The following WNT3 variants were observed in gnomAD, a reference collection of about 807,000 sequenced individuals.
WNT3 encodes Wnt family member 3.
Under a neutral mutation model 34.2 loss-of-function variants are expected in WNT3, and 7 were observed. The ratio of observed to expected loss-of-function variants is 0.20; its 90% confidence interval spans 0.12 to 0.38. The LOEUF (loss-of-function observed/expected upper bound fraction) is 0.38. WNT3 is among the 10% of genes least tolerant of loss of function. The pLI is 1.00. For synonymous variants in WNT3, 212 were observed against 211.5 expected (o/e 1.00, Z -0.02); for missense variants, 267 against 499.8 (o/e 0.53, Z 4.44).
intron 1 of WNT3, 146 bp downstream of exon 1, chr17:46,818,372 T>C: frequency 1.5e-6 from 1 of 652,094 alleles, no homozygotes; most frequent in Middle Eastern, 4.0e-4. Context: ...CAGCAGAAAA[T>C]CCAGGAGGGG....
At chr17:46,801,665 A>T (rs775367753) in intron 1 of WNT3, among the ~76,000 whole-genome samples, 8 of 152,216 alleles carry the variant, frequency 5.3e-5, no homozygotes, top group Non-Finnish European at 8.8e-5. Context: ...TTAAATTAAA[A>T]TAAGACTGAC....
At chr17:46,776,049 C>T (rs539994077) in intron 1 of WNT3, among the ~76,000 whole-genome samples, 6 of 152,272 alleles carry the variant, frequency 3.9e-5, no homozygotes, top group Non-Finnish European at 7.4e-5. Flanking sequence ...CATTATTAGC[C>T]CCATTTTACA....
intron 1 of WNT3, among the ~76,000 whole-genome samples, chr17:46,787,207 C>T (rs550776144): frequency 6.7e-6 from 1 of 149,770 alleles, no homozygotes; most frequent in Admixed American, 6.8e-5. Flanking sequence ...TCCCCAAGTG[C>T]TGGGATTACA....
At chr17:46,772,241 G>C (rs574733935) in intron 2 of WNT3, among the ~76,000 whole-genome samples, 2 of 152,242 alleles carry the variant, frequency 1.3e-5, no homozygotes, top group South Asian at 4.1e-4. Flanking sequence ...CCAAACTCTC[G>C]GGCACACATC....
chr17:46,774,690 C>T (rs979026820), intron 1 of WNT3, among the ~76,000 whole-genome samples: 1 of 152,198 alleles, frequency 6.6e-6, no homozygotes, highest in African/African-American at 2.4e-5. Flanking sequence ...TAATCAATAT[C>T]CCATCAACTC....
At chr17:46,783,872 A>G (rs1432985046) in intron 1 of WNT3, among the ~76,000 whole-genome samples, 2 of 152,348 alleles carry the variant, frequency 1.3e-5, no homozygotes, top group East Asian at 3.9e-4. Context: ...AGTGCCAGAC[A>G]TTATTCGGAC....
intron 1 of WNT3, among the ~76,000 whole-genome samples, chr17:46,810,661 C>G (rs541185774): frequency 4.6e-5 from 7 of 152,086 alleles, no homozygotes; most frequent in African/African-American, 1.7e-4. Context: ...CTGCACCCCC[C>G]ACCCTTCCCT....
chr17:46,778,029 C>T (rs907489293), intron 1 of WNT3, among the ~76,000 whole-genome samples: 1 of 152,170 alleles, frequency 6.6e-6, no homozygotes, highest in African/African-American at 2.4e-5. Flanking sequence ...GTTTCTTTAT[C>T]GGTAAAATAG....
At chr17:46,812,102 C>T (rs2084283915) in intron 1 of WNT3, among the ~76,000 whole-genome samples, 1 of 152,228 alleles carries the variant, frequency 6.6e-6, no homozygotes, top group Admixed American at 6.5e-5. Context: ...TTGGAGAAGT[C>T]CCGGGAGATG....
At position 46,789,360 on chromosome 17, in the gene WNT3, C is replaced by T. The variant is rs1037740091; in HGVS notation, c.81-15451G>A. Among the ~76,000 whole-genome samples, 7 of 152,194 alleles carry T rather than the reference C, an allele frequency of 4.6e-5. No homozygotes were observed. In the South Asian group the frequency reaches 6.2e-4, roughly 13 times the overall value. On this transcript the variant is annotated intron_variant, in intron 1 of 4. Transcript: ENST00000225512. ...GGTCAGGGATGCAGGCTATACACTA[C>T]GGCAGATCACTTGGGGTGGTTTTGA...
In WNT3 at chr17:46,764,585, A is replaced by C. The variant is rs1311301346; in HGVS notation, c.*45T>G. 6.6e-6 allele frequency: 1 copy of C among 152,290 alleles called. No homozygotes were observed. Among genetic ancestry groups the C allele is most frequent in the Admixed American group, 6.5e-5 (1 of 15,274 alleles). The allele number at this position is 152,290 out of a possible 1,614,324, so 9.4% of individuals were successfully genotyped here. ...CCTGCTTCCCATGAGACTTCGCTGAATCCGCCCAGCCACACACTTCACCCC... is the reference window on the plus strand; with the variant it reads ...CCTGCTTCCCATGAGACTTCGCTGACTCCGCCCAGCCACACACTTCACCCC... On this transcript the variant is annotated 3_prime_UTR_variant, in exon 5 of 5. Coordinates refer to ENST00000225512, the MANE Select transcript of WNT3 (RefSeq NM_030753.5).
At chr17:46,767,530 C>T (rs1265452525) in intron 4 of WNT3, among the ~76,000 whole-genome samples, 1 of 152,140 alleles carries the variant, frequency 6.6e-6, no homozygotes, top group African/African-American at 2.4e-5. Flanking sequence ...TAAACTGCCC[C>T]CTGCCCTTCA....
chr17:46,796,864 A>G (rs1598784752), intron 1 of WNT3, among the ~76,000 whole-genome samples: 1 of 152,176 alleles, frequency 6.6e-6, no homozygotes, highest in African/African-American at 2.4e-5. Context: ...CCCTCCAGAA[A>G]GGGTGGTCTG....
At chr17:46,796,097 G>A (rs1286238421) in intron 1 of WNT3, among the ~76,000 whole-genome samples, 1 of 152,180 alleles carries the variant, frequency 6.6e-6, no homozygotes, top group African/African-American at 2.4e-5. Context: ...TGCAGGCCAG[G>A]GCTTTGTGAT....
At chr17:46,769,313 C>G (rs1460462847) in intron 3 of WNT3, among the ~76,000 whole-genome samples, 2 of 88,702 alleles carry the variant, frequency 2.3e-5, no homozygotes, top group African/African-American at 1.0e-4. Flanking sequence ...GAGACTCCGT[C>G]TCAAAAAAAA....
chr17:46,806,315 T>G (rs960487648), intron 1 of WNT3, among the ~76,000 whole-genome samples: 7 of 150,738 alleles, frequency 4.6e-5, no homozygotes, highest in African/African-American at 1.7e-4. Context: ...GTTGAAGCGA[T>G]TCTCCTTTCT....
At chr17:46,805,354 C>A (rs1018136741) in intron 1 of WNT3, among the ~76,000 whole-genome samples, 1 of 152,104 alleles carries the variant, frequency 6.6e-6, no homozygotes, top group East Asian at 1.9e-4. Flanking sequence ...GGGCGGGTCA[C>A]CTGAGGTCAG....
At chr17:46,782,998 G>C (rs2059474658) in intron 1 of WNT3, among the ~76,000 whole-genome samples, 1 of 152,220 alleles carries the variant, frequency 6.6e-6, no homozygotes, top group Admixed American at 6.5e-5. Flanking sequence ...AGGTGCCTCA[G>C]GGGGTGCCTT....
Position 46,818,690 on chromosome 17 carries a change from A to G in WNT3, c.-93T>C. Reference sequence around the variant, plus strand: ...GGAACAAAGTCCACTTGAGATTGGAAATGACTTTCGGGCTTGTCAGAAGCG... The same window carrying G: ...GGAACAAAGTCCACTTGAGATTGGAGATGACTTTCGGGCTTGTCAGAAGCG... On this transcript the variant is annotated 5_prime_UTR_variant, in exon 1 of 5. Transcript: ENST00000225512. The G allele has an allele frequency of 7.9e-7, 1 of 1,264,576 alleles. No individual in the cohort carries two copies. The highest frequency in any genetic ancestry group is 1.1e-6 in the Non-Finnish European group (1 of 886,060). 78.3% of individuals were successfully genotyped at this position (1,264,576 alleles called of 1,614,324 possible). A position where few individuals can be genotyped will look rare whatever the true frequency, so the allele number is the denominator to read the frequency against.
Sources: allele counts gnomAD v4.1 joint callset (sites outside exome capture counted in the v4.1 genomes callset), GRCh38; gene constraint gnomAD v4.1.1; transcripts MANE v1.5; gene names NCBI Gene and HGNC (gene_info 2026-07-23, HGNC 2026-07-21).